Variants in ZNF345 observed in about 807,000 individuals in gnomAD.
ZNF345 encodes the protein zinc finger protein 345, also known as zinc finger protein HZF10.
For synonymous variants in ZNF345, 166 were observed against 187.9 expected, an observed-to-expected ratio of 0.88 and a Z score of 0.95; for missense variants, 527 against 589.9, an observed-to-expected ratio of 0.89 and a Z score of 1.10.
chr19:36,874,472 T>C (rs1317649179), intron 2 of ZNF345, among the ~76,000 whole-genome samples: 1 of 121,924 alleles, frequency 8.2e-6, no homozygotes, highest in African/African-American at 3.4e-5. Flanking sequence ...CCAGTCTGGG[T>C]GACACGAGTG....
At position 36,878,111 on chromosome 19, in the gene ZNF345, A is replaced by G. The variant is rs1191963633; in HGVS notation, c.1281A>G (p.Glu427=). ...QRIHTGEKPY[E]CKECGKAFYS... ...TACACACTGGTGAGAAACCCTATGAATGTAAGGAGTGTGGGAAGGCTTTTT... is the reference window on the plus strand; with the variant it reads ...TACACACTGGTGAGAAACCCTATGAGTGTAAGGAGTGTGGGAAGGCTTTTT... The change falls in exon 3 of 3, where the codon GAA becomes GAG. Residue 427 remains glutamate (E), a synonymous_variant. Transcript: ENST00000420450. 2.5e-6 allele frequency: 4 copies of G among 1,614,016 alleles called. No individual in the cohort carries two copies. Among genetic ancestry groups the G allele is most frequent in the Non-Finnish European group, 2.5e-6 (3 of 1,179,966 alleles).
At chr19:36,881,355 C>T (rs554542718), downstream of ZNF345, among the ~76,000 whole-genome samples, 23 of 152,206 alleles carry the variant, frequency 1.5e-4, no homozygotes, top group Admixed American at 9.2e-4. Flanking sequence ...ATGTTTATTA[C>T]GATTACATGT....
At chr19:36,869,764 C>CTTTTTTT (rs370081401) in intron 2 of ZNF345, among the ~76,000 whole-genome samples, 1 of 139,646 alleles carries the variant, frequency 7.2e-6, no homozygotes. Flanking sequence ...GATCATTTAG[C>CTTTTTTT]TTTTTTTTTT....
At chr19:36,859,565 G>A (rs1423804840) in intron 2 of ZNF345, among the ~76,000 whole-genome samples, 1 of 151,458 alleles carries the variant, frequency 6.6e-6, no homozygotes, top group African/African-American at 2.4e-5. Context: ...TTTTATACAG[G>A]CATTTAATTC....
Position 36,891,776 on chromosome 19 carries a change from G to A in ZNF345, c.47-1042G>A, listed in dbSNP as rs769658336. ...GCATGAATTCTGTGATGGTTAGTAA[G>A]TGTTGAGGCACTATTAAAGGCCTTC... On this transcript the variant is annotated intron_variant, in intron 3 of 3. Transcript: ENST00000526123. 6 of 1,614,054 alleles carry A rather than the reference G, an allele frequency of 3.7e-6. No homozygotes were observed. In the African/African-American group the frequency reaches 6.7e-5, roughly 18 times the overall value.
intron 2 of ZNF345, chr19:36,858,322 G>A (rs1045677298): frequency 1.3e-5 from 2 of 150,306 alleles, no homozygotes; most frequent in African/African-American, 5.0e-5. Flanking sequence ...CTTGCACTTG[G>A]ACTAGCCAAT....
chr19:36,892,517 G>A, intron 3 of ZNF345: 3 of 1,504,268 alleles, frequency 2.0e-6, no homozygotes, highest in Non-Finnish European at 2.6e-6. Context: ...TTCTGGGCAA[G>A]TTAAAACTTC....
rs761687960 is a variant in ZNF345, at chr19:36,877,492, G to A, written c.662G>A (p.Arg221Gln). ...AGTGGTTCAAACCTTACTCAACATC[G>A]GCGGATTCATACTGGTGAGAAACCT... is the stretch of plus-strand genomic sequence containing the variant. ...FGSGSNLTQH[R>Q]RIHTGEKPYE... Residue 221 changes from arginine to glutamine, a missense_variant, in exon 3 of 3, where the codon CGG becomes CAG. Transcript: ENST00000420450. 2.5e-5 allele frequency: 41 copies of A among 1,611,878 alleles called. No individual in the cohort carries two copies. Among genetic ancestry groups the A allele is most frequent in the South Asian group, 1.5e-4 (14 of 90,946 alleles).
intron 2 of ZNF345, among the ~76,000 whole-genome samples, chr19:36,859,725 A>G (rs912066218): frequency 6.6e-6 from 1 of 152,122 alleles, no homozygotes; most frequent in African/African-American, 2.4e-5. Context: ...GTTAACTTTA[A>G]AATTTTTATT....
At chr19:36,882,300 G>A (rs1482019718), downstream of ZNF345, among the ~76,000 whole-genome samples, 4 of 151,590 alleles carry the variant, frequency 2.6e-5, no homozygotes, top group East Asian at 1.9e-4. Flanking sequence ...ATGGAGTCTC[G>A]CTCTGTCACC....
rs1250860316 is a variant in ZNF345 at position 36,877,684 on chromosome 19, C to T, written c.854C>T (p.Pro285Leu). ...RHQRIHTGEK[P>L]YVCKECGKAF... ...CAAAGAATTCATACTGGTGAGAAAC[C>T]TTATGTATGTAAGGAATGTGGGAAG... The change falls in exon 3 of 3, where the codon CCT (proline) becomes CTT (leucine). Residue 285 changes from proline (P) to leucine (L), a missense_variant. Physicochemically the swap from Pro to Leu is moderately conservative, Grantham distance 98. Transcript: ENST00000420450. The T allele has an allele frequency of 5.6e-6, 9 of 1,614,080 alleles. No individual in the cohort carries two copies. Among genetic ancestry groups the T allele is most frequent in the Middle Eastern group, 1.6e-4 (1 of 6,062 alleles).
rs1032045199 is a variant in ZNF345, at chr19:36,872,339, C to T, written c.-46-4446C>T. Among the ~76,000 whole-genome samples the T allele has an allele frequency of 2.6e-5, 4 of 152,132 alleles. No individual in the cohort carries two copies. In the South Asian group the frequency reaches 6.2e-4, roughly 24 times the overall value. On this transcript the variant is annotated intron_variant, in intron 2 of 2. Coordinates refer to ENST00000420450, the MANE Select transcript of ZNF345 (RefSeq NM_001242472.2). ...CCGAATCTTATGTTGAAATTTTCCC[C>T]CCATTGTTGGAGGTGGGGCCTAATG...
rs754906884 is a variant in ZNF345 at position 36,877,052 on chromosome 19, A to G, written c.222A>G (p.Val74=). 2.5e-6 allele frequency: 4 copies of G among 1,613,996 alleles called. No individual in the cohort carries two copies. Among genetic ancestry groups the G allele is most frequent in the South Asian group, 2.2e-5 (2 of 91,078 alleles). The change falls in exon 3 of 3, where the codon GTA becomes GTG. Residue 74 remains valine, a synonymous_variant. Coordinates refer to ENST00000420450, the MANE Select transcript of ZNF345 (RefSeq NM_001242472.2). The part of the protein sequence containing the change: ...CKECGKDFSF[V]SVLVRHQRIH... ...AATGTGGGAAGGATTTTAGTTTTGT[A>G]TCAGTCCTTGTTCGACATCAGCGAA...
intron 1 of ZNF345, chr19:36,851,480 G>C (rs554376957): frequency 5.9e-5 from 9 of 152,666 alleles, no homozygotes; most frequent in African/African-American, 2.2e-4. Context: ...ATGAGTGTGT[G>C]ATTGTGTGTT....
intron 2 of ZNF345, chr19:36,872,430 G>A (rs2072789280): frequency 6.6e-6 from 1 of 152,276 alleles, no homozygotes; most frequent in Non-Finnish European, 1.5e-5. Context: ...GGGGGGCAGT[G>A]GGTGAGTGAG....
chr19:36,866,773 A>G (rs1487015209), intron 2 of ZNF345, among the ~76,000 whole-genome samples: 2 of 151,126 alleles, frequency 1.3e-5, no homozygotes, highest in Non-Finnish European at 3.0e-5. Context: ...CTGGTCTCAA[A>G]CTCCTGACCT....
chr19:36,885,579 G>A (rs912564101), intron 3 of ZNF345, among the ~76,000 whole-genome samples: 1 of 152,006 alleles, frequency 6.6e-6, no homozygotes, highest in African/African-American at 2.4e-5. Context: ...GTGTGCGTGT[G>A]TGTGTGTGTT....
At position 36,892,499 on chromosome 19, in the gene ZNF345, T is replaced by A. The variant is rs1316299015; in HGVS notation, c.47-319T>A. ...GAAAGAAAATACAAAGGCAAATAAA[T>A]TTTCCTATTCTGGGCAAGTTAAAAC... On this transcript the variant is annotated intron_variant, in intron 3 of 3. Transcript: ENST00000526123. 6 of 1,532,674 alleles carry A rather than the reference T, an allele frequency of 3.9e-6. No individual in the cohort carries two copies. In the East Asian group the frequency reaches 1.4e-4, roughly 35 times the overall value. The allele number at this position is 1,532,674 out of a possible 1,614,324, so 94.9% of individuals were successfully genotyped here. A position where few individuals can be genotyped will look rare whatever the true frequency, so the allele number is the denominator to read the frequency against.
At chr19:36,889,856 G>A (rs1385494886) in intron 3 of ZNF345, 3 of 152,040 alleles carry the variant, frequency 2.0e-5, no homozygotes, top group African/African-American at 7.2e-5. Context: ...GAGATGTGAC[G>A]TTAGGCTATT....
Sources: allele counts gnomAD v4.1 joint callset (sites outside exome capture counted in the v4.1 genomes callset), GRCh38; gene constraint gnomAD v4.1.1; transcripts MANE v1.5; gene names NCBI Gene and HGNC (gene_info 2026-07-23, HGNC 2026-07-21).